Variants in SHCBP1 observed in about 807,000 individuals in gnomAD.
The protein encoded by SHCBP1 is SHC binding and spindle associated 1.
SHCBP1 carries 60 observed loss-of-function variants against 75.1 expected under a neutral mutation model. The observed-to-expected ratio is 0.80, with a 90% CI of 0.65 to 0.99. The LOEUF (loss-of-function observed/expected upper bound fraction) is 0.99. SHCBP1 is among the 50% of genes least tolerant of loss of function. SHCBP1 has a pLI of 0.00. For missense variants in SHCBP1, 709 were observed against 809.4 expected, an observed-to-expected ratio of 0.88 and a Z score of 1.50; for synonymous variants, 290 against 293.2, an observed-to-expected ratio of 0.99 and a Z score of 0.11.
intron 4 of SHCBP1, among the ~76,000 whole-genome samples, chr16:46,615,091 T>C (rs1033642954): frequency 6.6e-6 from 1 of 152,204 alleles, no homozygotes; most frequent in Non-Finnish European, 1.5e-5. Flanking sequence ...GTGAAGATGA[T>C]GAGGATAAAG....
chr16:46,600,168 A>T (rs1234684591), intron 8 of SHCBP1, among the ~76,000 whole-genome samples: 1 of 152,320 alleles, frequency 6.6e-6, no homozygotes, highest in East Asian at 1.9e-4. Flanking sequence ...CAACTCTCTG[A>T]CTAGTCCCGT....
At chr16:46,594,999 A>G (rs991314820) in intron 10 of SHCBP1, among the ~76,000 whole-genome samples, 10 of 152,266 alleles carry the variant, frequency 6.6e-5, no homozygotes, top group African/African-American at 2.4e-4. Flanking sequence ...AAAGAGCCAC[A>G]TACTGTGTGA....
intron 4 of SHCBP1, among the ~76,000 whole-genome samples, chr16:46,608,696 T>C (rs1406154115): frequency 6.8e-6 from 1 of 147,968 alleles, no homozygotes; most frequent in Non-Finnish European, 1.5e-5. Flanking sequence ...CTCCGCCTCC[T>C]GGGTTCAAGT....
At chr16:46,596,900 G>C (rs1306768361) in intron 9 of SHCBP1, among the ~76,000 whole-genome samples, 1 of 149,390 alleles carries the variant, frequency 6.7e-6, no homozygotes, top group Non-Finnish European at 1.5e-5. Context: ...GCTAGTTTTT[G>C]TATTTTTAGT....
chr16:46,614,878 G>GA (rs1965471553), intron 4 of SHCBP1, among the ~76,000 whole-genome samples: 1 of 152,116 alleles, frequency 6.6e-6, no homozygotes, highest in Admixed American at 6.5e-5. Flanking sequence ...TAACATTTGT[G>GA]AAAACCAAGT....
rs766629175 is a variant in SHCBP1 at position 46,595,539 on chromosome 16, C to A, written c.1464+13G>T. The A allele has an allele frequency of 6.1e-5, 97 of 1,600,948 alleles. 1 individual carries two copies. In the East Asian group the frequency reaches 2.1e-3, roughly 35 times the overall value. On this transcript the variant is annotated intron_variant, in intron 10 of 12. Transcript: ENST00000303383. Reference sequence around the variant, plus strand: ...AACACAAACTACTTCCCCAAGAGGACAAGAGCTTCTACCTTGGCGCCATAT... The same window carrying A: ...AACACAAACTACTTCCCCAAGAGGAAAAGAGCTTCTACCTTGGCGCCATAT...
rs759159068 is a variant in SHCBP1, at chr16:46,618,293, T to C, written c.183A>G (p.Pro61=). The change falls in exon 2 of 13, where the codon CCA becomes CCG. Residue 61 remains proline (P), a synonymous_variant. Coordinates refer to ENST00000303383, the MANE Select transcript of SHCBP1 (RefSeq NM_024745.5). ...TTTCTGGGAAAAAGGTTTTTCCTTCTGGCATAAAACTTTGTAAACTAGAAC... is the reference window on the plus strand; with the variant it reads ...TTTCTGGGAAAAAGGTTTTTCCTTCCGGCATAAAACTTTGTAAACTAGAAC... The part of the protein sequence containing the change: ...KPGSSLQSFM[P]EGKTFFPEIF... 7 of 1,613,798 alleles carry C rather than the reference T, an allele frequency of 4.3e-6. No individual in the cohort carries two copies. The Admixed American group carries it at 1.2e-4, about 27-fold the overall frequency.
chr16:46,617,174 G>T (rs778032918), intron 3 of SHCBP1, among the ~76,000 whole-genome samples: 18 of 152,098 alleles, frequency 1.2e-4, no homozygotes, highest in Non-Finnish European at 2.2e-4. Flanking sequence ...AAACAAATTT[G>T]CTAGGCAAAA....
intron 1 of SHCBP1, chr16:46,620,946 GCA>G (rs1397445719): frequency 6.0e-6 from 2 of 334,510 alleles, no homozygotes; most frequent in Non-Finnish European, 1.1e-5. Context: ...AACAGTAAAT[GCA>G]CAGTTCCCGC....
rs755251087 is a variant in SHCBP1 at position 46,621,307 on chromosome 16, G to T, written c.53C>A (p.Pro18Gln). The T allele has an allele frequency of 6.2e-7, 1 of 1,611,000 alleles. No individual in the cohort carries two copies. The highest frequency in any genetic ancestry group is 8.5e-7 in the Non-Finnish European group (1 of 1,179,136). Residue 18 changes from proline to glutamine, a missense_variant, in exon 1 of 13, where the codon CCG becomes CAG. Physicochemically the swap from Pro to Gln is moderately conservative, Grantham distance 76. Coordinates refer to ENST00000303383, the MANE Select transcript of SHCBP1 (RefSeq NM_024745.5). ...CTCCACCGCCCAGCCCATGCGCTCC[G>T]GCGCCATGGCCGCTGCCTCCAGACC... is the stretch of plus-strand genomic sequence containing the variant. ...GGGLEAAAMA[P>Q]ERMGWAVEQE...
In SHCBP1 at chr16:46,599,897, T is replaced by C; in HGVS notation, c.1279A>G (p.Thr427Ala). 2 of 1,613,692 alleles carry C rather than the reference T, an allele frequency of 1.2e-6. No homozygotes were observed. Among genetic ancestry groups the C allele is most frequent in the East Asian group, 2.2e-5 (1 of 44,848 alleles). ...CCTGAGATTTTAATATCAGCACCAG[T>C]GCAGTCCACAAAAGTGTCGCCTTTG... ...RGKGDTFVDCTGADIKISGIK... is the reference protein window; with the variant it reads ...RGKGDTFVDCAGADIKISGIK... Residue 427 changes from threonine to alanine, a missense_variant, in exon 9 of 13, where the codon ACT becomes GCT. By Grantham distance (58) the Thr-to-Ala change is moderately conservative (BLOSUM62 0). Coordinates refer to ENST00000303383, the MANE Select transcript of SHCBP1 (RefSeq NM_024745.5).
At chr16:46,610,117 AT>A (rs2143001354) in intron 4 of SHCBP1, among the ~76,000 whole-genome samples, 1 of 151,084 alleles carries the variant, frequency 6.6e-6, no homozygotes, top group Non-Finnish European at 1.5e-5. Context: ...CGCCCAGCTA[AT>A]TTTTTGTATT....
At chr16:46,600,685 G>GA (rs1567447857) in intron 8 of SHCBP1, among the ~76,000 whole-genome samples, 1 of 152,164 alleles carries the variant, frequency 6.6e-6, no homozygotes, top group African/African-American at 2.4e-5. Context: ...ACAGTTACAG[G>GA]AAAAAAACAG....
chr16:46,599,108 A>G (rs1002555962), intron 9 of SHCBP1, among the ~76,000 whole-genome samples: 1 of 152,178 alleles, frequency 6.6e-6, no homozygotes, highest in African/African-American at 2.4e-5. Context: ...TAGCAATAAG[A>G]CTGTTTCACT....
intron 8 of SHCBP1, 130 bp downstream of exon 8, chr16:46,603,409 G>A (rs1283513974): frequency 2.3e-6 from 3 of 1,318,100 alleles, no homozygotes; most frequent in Middle Eastern, 2.4e-4. Flanking sequence ...TGTCCTTAAT[G>A]TTTCAAGGCA....
intron 10 of SHCBP1, 99 bp from the exon 11 acceptor site, chr16:46,584,188 G>T (rs1964918219): frequency 1.4e-6 from 1 of 737,448 alleles, no homozygotes; most frequent in Non-Finnish European, 2.1e-6. Context: ...CAGTACAAAT[G>T]TACAGCACAA....
At position 46,616,595 on chromosome 16, in the gene SHCBP1, GAGC is replaced by G. The variant is rs2143002162; in HGVS notation, c.388-444_388-442del. Among the ~76,000 whole-genome samples, 1 of 152,250 alleles carries G rather than the reference GAGC, an allele frequency of 6.6e-6. No homozygotes were observed. The highest frequency in any genetic ancestry group is 2.4e-5 in the African/African-American group (1 of 41,536). The stretch of plus-strand genomic sequence containing the variant: ...TGGAGGAGGGGGGCGGTGTGCAGTG[GAGC>G]AGCAAGATATGAGGTGAGAAAGAGA... On this transcript the variant is annotated intron_variant, in intron 3 of 12. Coordinates refer to ENST00000303383, the MANE Select transcript of SHCBP1 (RefSeq NM_024745.5). This position sits in a 1 kb window ranked among gnomAD's most constrained non-coding sequence, Gnocchi z 4.4.
chr16:46,589,379 A>C (rs530371661), intron 10 of SHCBP1, among the ~76,000 whole-genome samples: 1 of 152,334 alleles, frequency 6.6e-6, no homozygotes, highest in East Asian at 1.9e-4. Flanking sequence ...AGAGGAAGTC[A>C]AATTGTCCCT....
chr16:46,602,409 A>C (rs1403896175), intron 8 of SHCBP1, among the ~76,000 whole-genome samples: 2 of 152,214 alleles, frequency 1.3e-5, no homozygotes, highest in African/African-American at 4.8e-5. Flanking sequence ...GACAAGATAA[A>C]GAGCATAGCT....
Sources: gnomAD v4.1 joint callset for allele counts (sites outside exome capture counted in the v4.1 genomes callset) on GRCh38, gnomAD v4.1.1 for gene constraint, Gnocchi (gnomAD v3.1) non-coding constraint, MANE v1.5 for transcripts, NCBI Gene and HGNC (gene_info 2026-07-23, HGNC 2026-07-21) for gene names.